The following NT5DC3 variants were observed in gnomAD, a reference collection of about 807,000 sequenced individuals.
NT5DC3 encodes the protein 5'-nucleotidase domain containing 3, also known as 5'-nucleotidase domain-containing protein 3.
Under a neutral mutation model 67.8 loss-of-function variants are expected in NT5DC3, and 42 were observed. The observed-to-expected ratio is 0.62, with a 90% CI of 0.48 to 0.80. The LOEUF is 0.80. NT5DC3 is among the 30% of genes least tolerant of loss of function. The pLI is 0.00. For synonymous variants in NT5DC3, 237 were observed against 255.6 expected (o/e 0.93, Z 0.69); for missense variants, 570 against 696.4 (o/e 0.82, Z 2.04).
chr12:103,793,369 G>C lies in NT5DC3; in HGVS notation c.917+41C>G, dbSNP rs1186148059. The stretch of plus-strand genomic sequence containing the variant: ...GCTGCTAAAACAAATGGGATACAAG[G>C]AGTGTGCCAGAAGCTAGCAATGAAA... On this transcript the variant is annotated intron_variant, in intron 8 of 13. Transcript: ENST00000392876. The C allele has an allele frequency of 3.2e-6, 5 of 1,562,112 alleles. No homozygotes were observed. In the Middle Eastern group the frequency reaches 5.0e-4, roughly 157 times the overall value.
chr12:103,811,921 G>A (rs551231416), intron 2 of NT5DC3, among the ~76,000 whole-genome samples: 6 of 151,876 alleles, frequency 4.0e-5, no homozygotes, highest in Admixed American at 1.3e-4. Flanking sequence ...GAGTGCGAGC[G>A]GTCACAGCCA....
At chr12:103,792,589 A>T (rs1447603864) in intron 9 of NT5DC3, among the ~76,000 whole-genome samples, 1 of 152,170 alleles carries the variant, frequency 6.6e-6, no homozygotes, top group Non-Finnish European at 1.5e-5. Flanking sequence ...GCGTTCCCTG[A>T]TCCCTACCCA....
intron 9 of NT5DC3, among the ~76,000 whole-genome samples, chr12:103,789,879 C>T (rs1013747342): frequency 3.9e-5 from 6 of 152,096 alleles, no homozygotes; most frequent in Admixed American, 1.3e-4. Flanking sequence ...AAAAGGTACG[C>T]AACCCAGAAT....
rs138699593 is a variant in NT5DC3, at chr12:103,811,148, A to G, written c.393+3789T>C. 3.2e-3 allele frequency among the ~76,000 whole-genome samples: 485 copies of G among 152,318 alleles called. 3 individuals are homozygous for G. Among genetic ancestry groups the G allele is most frequent in the Middle Eastern group, 0.01 (3 of 294 alleles). The stretch of plus-strand genomic sequence containing the variant: ...AATACAGCAATGAACAGAACTGACA[A>G]AAGTGTCTGCCCCTGCAAAGTTCCC... On this transcript the variant is annotated intron_variant, in intron 2 of 13. Coordinates refer to ENST00000392876, the MANE Select transcript of NT5DC3 (RefSeq NM_001031701.3).
the NT5DC3 span, chr12:103,748,989 G>A: frequency 3.7e-6 from 6 of 1,613,912 alleles, no homozygotes; most frequent in African/African-American, 1.3e-5. Context: ...ACAGGACAAC[G>A]GGGGCTGTGC....
At chr12:103,802,625 GA>G (rs1425237187) in intron 4 of NT5DC3, among the ~76,000 whole-genome samples, 1 of 152,168 alleles carries the variant, frequency 6.6e-6, no homozygotes, top group Non-Finnish European at 1.5e-5. Context: ...GGGCTTGCCT[GA>G]GAGTGAGCCA....
At chr12:103,825,670 G>T (rs1212004391) in intron 1 of NT5DC3, among the ~76,000 whole-genome samples, 3 of 152,158 alleles carry the variant, frequency 2.0e-5, no homozygotes, top group South Asian at 2.1e-4. Context: ...AGCTAATTGG[G>T]AGGCTGAGAT....
At chr12:103,816,922 A>T (rs1887277786) in intron 1 of NT5DC3, among the ~76,000 whole-genome samples, 1 of 151,834 alleles carries the variant, frequency 6.6e-6, no homozygotes, top group African/African-American at 2.4e-5. Context: ...TCAAGAAGGT[A>T]TAAAAGAAGT....
rs1885392967 is a variant in NT5DC3 at position 103,777,849 on chromosome 12, G to A, written c.1627C>T (p.Gln543Ter). Reference protein sequence around the residue: ...RPPTFGTPLLQEAQAK With the variant: ...RPPTFGTPLL ...CTTGGCTACTTGGCCTGGGCCTCCT[G>A]CAGGAGAGGGGTTCCGAAGGTGGGG... The change falls in exon 14 of 14, where the codon CAG becomes TAG. Residue 543 changes from glutamine (Q) to a stop codon, truncating the protein, a stop_gained. Coordinates refer to ENST00000392876, the MANE Select transcript of NT5DC3 (RefSeq NM_001031701.3). LOFTEE classifies it high-confidence loss of function. The A allele has an allele frequency of 1.2e-6, 2 of 1,613,438 alleles. No homozygotes were observed. Among genetic ancestry groups the A allele is most frequent in the Non-Finnish European group, 1.7e-6 (2 of 1,179,720 alleles).
chr12:103,803,983 C>T (rs1566113611), intron 4 of NT5DC3, among the ~76,000 whole-genome samples: 1 of 151,958 alleles, frequency 6.6e-6, no homozygotes, highest in African/African-American at 2.4e-5. Flanking sequence ...GAATTCTAGC[C>T]CAGGCAATTA....
chr12:103,768,618 A>G (rs1299880593), downstream of NT5DC3, among the ~76,000 whole-genome samples: 2 of 62,656 alleles, frequency 3.2e-5, no homozygotes, highest in Admixed American at 1.7e-4. Flanking sequence ...AGAGAGGGAG[A>G]GAGAGGGAGA....
At chr12:103,749,409 C>A in the NT5DC3 span, among the ~76,000 whole-genome samples, 1 of 152,172 alleles carries the variant, frequency 6.6e-6, no homozygotes, top group Non-Finnish European at 1.5e-5. Flanking sequence ...ACATTAATTT[C>A]TTAGCTCTGA....
the NT5DC3 span, chr12:103,763,348 A>G: frequency 6.0e-6 from 4 of 666,372 alleles, no homozygotes; most frequent in Admixed American, 9.4e-5. Flanking sequence ...AAATTTTATT[A>G]TATGTGAATC....
intron 4 of NT5DC3, among the ~76,000 whole-genome samples, chr12:103,800,071 A>G (rs1284268080): frequency 6.6e-6 from 1 of 152,256 alleles, no homozygotes; most frequent in East Asian, 1.9e-4. Flanking sequence ...GAAGAATTTC[A>G]GTTACTAACA....
chr12:103,778,648 G>C (rs1407123625), intron 13 of NT5DC3, among the ~76,000 whole-genome samples: 1 of 151,586 alleles, frequency 6.6e-6, no homozygotes, highest in Non-Finnish European at 1.5e-5. Flanking sequence ...CTACAAAAAT[G>C]CAAAAAATTT....
At chr12:103,807,001 T>C (rs1886828583) in intron 2 of NT5DC3, 72 bp from the exon 3 acceptor site, 2 of 892,652 alleles carry the variant, frequency 2.2e-6, no homozygotes, top group Admixed American at 1.8e-5. Flanking sequence ...GATCTGGCCC[T>C]TGTACAAAGG....
At chr12:103,815,571 A>G (rs1887216249) in intron 1 of NT5DC3, among the ~76,000 whole-genome samples, 1 of 152,084 alleles carries the variant, frequency 6.6e-6, no homozygotes, top group Admixed American at 6.6e-5. Context: ...ACAGGCACAC[A>G]CCATCACACC....
intron 1 of NT5DC3, among the ~76,000 whole-genome samples, chr12:103,838,849 C>T (rs771091776): frequency 2.0e-5 from 3 of 152,038 alleles, no homozygotes; most frequent in Non-Finnish European, 2.9e-5. Context: ...TGAAAAAAAA[C>T]AACTCCAAAA....
chr12:103,785,322 A>C lies in NT5DC3; in HGVS notation c.1329+13T>G. ...TAAAGAAAAAGTGAGAGAGAAAAAT[A>C]ATATATCCAAACCTGCATCTGTTCC... On this transcript the variant is annotated intron_variant, in intron 12 of 13. Transcript: ENST00000392876. The C allele has an allele frequency of 6.2e-7, 1 of 1,612,998 alleles. No homozygotes were observed.
Sources: allele counts gnomAD v4.1 joint callset (sites outside exome capture counted in the v4.1 genomes callset), GRCh38; gene constraint gnomAD v4.1.1; transcripts MANE v1.5; gene names NCBI Gene and HGNC (gene_info 2026-07-23, HGNC 2026-07-21).